The following GRIK4 variants were observed in gnomAD, a reference collection of about 807,000 sequenced individuals.
GRIK4 encodes glutamate ionotropic receptor kainate type subunit 4.
In GRIK4, 40 loss-of-function variants were observed where a neutral mutation model predicts 104.9. The ratio of observed to expected loss-of-function variants is 0.38; its 90% CI spans 0.30 to 0.50. The LOEUF is 0.50. GRIK4 is among the 20% of genes least tolerant of loss of function. The pLI, the probability that GRIK4 is intolerant of heterozygous loss-of-function variation, is 0.93. For missense variants in GRIK4, 1,047 were observed against 1,308.1 expected (o/e 0.80, Z 3.08); for synonymous variants, 485 against 524.9 (o/e 0.92, Z 1.04).
chr11:120,648,022 C>T (rs539497514), intron 1 of GRIK4, among the ~76,000 whole-genome samples: 21 of 152,282 alleles, frequency 1.4e-4, no homozygotes, highest in African/African-American at 5.1e-4. Context: ...GCCTTTTTCC[C>T]TCTTCTGGCC....
chr11:120,606,938 G>T (rs963436147), intron 1 of GRIK4, among the ~76,000 whole-genome samples: 1 of 152,186 alleles, frequency 6.6e-6, no homozygotes, highest in Non-Finnish European at 1.5e-5. Flanking sequence ...GGAGGGTTCC[G>T]GAGGGGCCTG....
chr11:120,723,958 A>T (rs761734789), intron 3 of GRIK4, among the ~76,000 whole-genome samples: 120 of 152,234 alleles, frequency 7.9e-4, no homozygotes, highest in South Asian at 7.3e-3. Context: ...CCTTGTGCTC[A>T]GCCCCCTCTC....
At chr11:120,745,196 G>A (rs936404582) in intron 3 of GRIK4, among the ~76,000 whole-genome samples, 10 of 152,176 alleles carry the variant, frequency 6.6e-5, no homozygotes, top group Admixed American at 1.3e-4. Context: ...AGGTGACTCC[G>A]GCCAGAGTCC....
At chr11:120,714,898 A>G (rs561172884) in intron 3 of GRIK4, among the ~76,000 whole-genome samples, 20 of 152,286 alleles carry the variant, frequency 1.3e-4, no homozygotes, top group African/African-American at 4.1e-4. Context: ...TATAAGGGAA[A>G]GCTACTGGAG....
chr11:120,549,907 T>C lies in GRIK4; in HGVS notation c.-159+38020T>C, dbSNP rs1384346731. On this transcript the variant is annotated intron_variant, in intron 1 of 20. Transcript: ENST00000527524. The surrounding 1 kb of genome is among the most constrained non-coding windows in gnomAD (Gnocchi z 4.7). ...TGAACCTGCGAGGTAGACGGCAGCC[T>C]CAGCCATTTTGCTATCAATAAATTA... 6.6e-6 allele frequency among the ~76,000 whole-genome samples: 1 copy of C among 152,196 alleles called. No individual in the cohort carries two copies. Among genetic ancestry groups the C allele is most frequent in the Non-Finnish European group, 1.5e-5 (1 of 68,030 alleles).
At chr11:120,611,824 T>TA (rs1206555947) in intron 1 of GRIK4, among the ~76,000 whole-genome samples, 1 of 152,082 alleles carries the variant, frequency 6.6e-6, no homozygotes, top group Non-Finnish European at 1.5e-5. Context: ...GACGGATGAG[T>TA]GCTCTAATTC....
intron 1 of GRIK4, among the ~76,000 whole-genome samples, chr11:120,564,919 T>C (rs1200539503): frequency 7.3e-6 from 1 of 136,096 alleles, no homozygotes; most frequent in Admixed American, 7.2e-5. Flanking sequence ...CTCTCCCAGC[T>C]CCCCGCTTTC....
At position 120,903,875 on chromosome 11, in the gene GRIK4, C is replaced by G. The variant is rs537773189; in HGVS notation, c.1273-1415C>G. Among the ~76,000 whole-genome samples the G allele has an allele frequency of 6.6e-6, 1 of 152,174 alleles. No individual in the cohort carries two copies. Among genetic ancestry groups the G allele is most frequent in the Non-Finnish European group, 1.5e-5 (1 of 68,034 alleles). On this transcript the variant is annotated intron_variant, in intron 12 of 20. Transcript: ENST00000527524. The surrounding 1 kb of genome is among the most constrained non-coding windows in gnomAD (Gnocchi z 4.4). Reference sequence around the variant, plus strand: ...CCCACCACGCCTGCCTTCAAAAGGTCGGCAGTGACACATGATCAACACGCT... The same window carrying G: ...CCCACCACGCCTGCCTTCAAAAGGTGGGCAGTGACACATGATCAACACGCT...
chr11:120,871,253 G>A (rs1954602540), intron 9 of GRIK4: 2 of 184,622 alleles, frequency 1.1e-5, no homozygotes, highest in South Asian at 2.4e-4. Context: ...GCCGGAAAGG[G>A]AGAATCTGCA....
At chr11:120,697,165 C>T (rs779082829) in intron 3 of GRIK4, among the ~76,000 whole-genome samples, 4 of 152,216 alleles carry the variant, frequency 2.6e-5, no homozygotes, top group African/African-American at 7.2e-5. Flanking sequence ...ACATGAGTTA[C>T]GCAGTAGGTT....
At chr11:120,733,504 G>C (rs536333509) in intron 3 of GRIK4, among the ~76,000 whole-genome samples, 1 of 151,358 alleles carries the variant, frequency 6.6e-6, no homozygotes, top group African/African-American at 2.4e-5. Flanking sequence ...TTTTTTTGGG[G>C]GGGGAGCTTA....
intron 3 of GRIK4, among the ~76,000 whole-genome samples, chr11:120,783,812 T>G (rs1464590766): frequency 6.6e-6 from 1 of 152,198 alleles, no homozygotes; most frequent in Non-Finnish European, 1.5e-5. Flanking sequence ...CCAAAGCAGG[T>G]TAGTTTCAAG....
intron 15 of GRIK4, among the ~76,000 whole-genome samples, chr11:120,954,985 A>T (rs919408007): frequency 6.6e-6 from 1 of 152,122 alleles, no homozygotes; most frequent in Non-Finnish European, 1.5e-5. Flanking sequence ...ACTCCTCCTC[A>T]TCCAGACCAG....
intron 20 of GRIK4, among the ~76,000 whole-genome samples, chr11:120,983,297 C>T (rs1944683022): frequency 1.3e-5 from 2 of 152,206 alleles, no homozygotes; most frequent in Admixed American, 1.3e-4. Flanking sequence ...TATCCCTCTC[C>T]TCTTCCAAAC....
chr11:120,688,139 G>A (rs908563400), intron 3 of GRIK4, among the ~76,000 whole-genome samples: 1 of 152,020 alleles, frequency 6.6e-6, no homozygotes. Context: ...CATACCCTCC[G>A]GAAGTGATTA....
rs529572754 is a variant in GRIK4 at position 120,717,876 on chromosome 11, A to C, written c.82+57476A>C. ...ACGGGCTTAGGCCTCCTGGAGGCTG[A>C]GCAGCTGGGGGATGGGGAGACCTCC... On this transcript the variant is annotated intron_variant, in intron 3 of 20. Transcript: ENST00000527524. 5.9e-5 allele frequency among the ~76,000 whole-genome samples: 9 copies of C among 152,258 alleles called. No individual in the cohort carries two copies. The East Asian group carries it at 1.7e-3, about 30-fold the overall frequency.
intron 14 of GRIK4, among the ~76,000 whole-genome samples, chr11:120,949,002 T>G (rs1488199851): frequency 6.6e-6 from 1 of 152,084 alleles, no homozygotes; most frequent in South Asian, 2.1e-4. Context: ...GGCTGCAGAG[T>G]CTGGGTTTTA....
intron 13 of GRIK4, among the ~76,000 whole-genome samples, chr11:120,917,712 G>T (rs534720463): frequency 6.6e-6 from 1 of 152,312 alleles, no homozygotes; most frequent in East Asian, 1.9e-4. Context: ...TGCCCGGGGG[G>T]ATCTGGAAGG....
At chr11:120,892,161 G>A (rs1044930620) in intron 11 of GRIK4, among the ~76,000 whole-genome samples, 10 of 152,146 alleles carry the variant, frequency 6.6e-5, no homozygotes, top group Admixed American at 2.0e-4. Context: ...AGGCTGTGGC[G>A]GGAAGGAGCC....
Sources: allele counts gnomAD v4.1 joint callset (sites outside exome capture counted in the v4.1 genomes callset), GRCh38; gene constraint gnomAD v4.1.1; non-coding constraint Gnocchi (gnomAD v3.1); transcripts MANE v1.5; gene names NCBI Gene and HGNC (gene_info 2026-07-23, HGNC 2026-07-21).